MCCC1: variants seen among roughly 807,000 people sequenced by gnomAD.
The protein encoded by MCCC1 is methylcrotonyl-CoA carboxylase subunit 1.
Under a neutral mutation model 83.8 loss-of-function variants are expected in MCCC1, and 64 were observed. That is an observed-to-expected ratio of 0.76 (90% confidence interval 0.62 to 0.94). MCCC1 has a LOEUF of 0.94. Ranked by LOEUF, MCCC1 falls within the 40% of genes least tolerant of loss-of-function variation. The pLI, the probability that MCCC1 is intolerant of heterozygous loss-of-function variation, is 0.00. For missense variants in MCCC1, 807 were observed against 904.7 expected, an observed-to-expected ratio of 0.89 and a Z score of 1.39; for synonymous variants, 322 against 315.4, an observed-to-expected ratio of 1.02 and a Z score of -0.22.
chr3:183,088,194 G>A (rs1407095957), intron 3 of MCCC1, among the ~76,000 whole-genome samples: 2 of 149,610 alleles, frequency 1.3e-5, no homozygotes, highest in Non-Finnish European at 3.0e-5. Flanking sequence ...TTTTGTTGTT[G>A]TTGTTGTTGT....
chr3:183,033,718 T>G (rs1713275797), intron 14 of MCCC1, among the ~76,000 whole-genome samples: 1 of 152,230 alleles, frequency 6.6e-6, no homozygotes, highest in Non-Finnish European at 1.5e-5. Flanking sequence ...TCTGGCATAT[T>G]TCATTTCAGC....
chr3:183,075,435 T>C (rs1001248808), intron 4 of MCCC1, among the ~76,000 whole-genome samples: 2 of 152,198 alleles, frequency 1.3e-5, no homozygotes, highest in African/African-American at 2.4e-5. Flanking sequence ...TGTCTCATTG[T>C]GGTTTTGATT....
chr3:183,079,546 T>C (rs946855389), intron 4 of MCCC1, among the ~76,000 whole-genome samples: 2 of 152,228 alleles, frequency 1.3e-5, no homozygotes, highest in African/African-American at 2.4e-5. Flanking sequence ...TTGCAGGGTA[T>C]AGCCCCTCTC....
intron 9 of MCCC1, among the ~76,000 whole-genome samples, chr3:183,050,871 T>C (rs1046200076): frequency 7.9e-5 from 12 of 151,896 alleles, no homozygotes; most frequent in Admixed American, 3.9e-4. Flanking sequence ...AAAAAATGGG[T>C]GAAAGACCTG....
chr3:183,041,367 C>T (rs1342697838), intron 11 of MCCC1, among the ~76,000 whole-genome samples, 200 bp downstream of exon 11: 2 of 152,178 alleles, frequency 1.3e-5, no homozygotes, highest in South Asian at 2.1e-4. Context: ...AAAAGGAGTC[C>T]GTTGTTGAAA....
At chr3:183,028,334 T>C (rs1055529204) in intron 14 of MCCC1, among the ~76,000 whole-genome samples, 10 of 152,198 alleles carry the variant, frequency 6.6e-5, no homozygotes, top group African/African-American at 1.2e-4. Flanking sequence ...ACAATGCACA[T>C]AGTCACCACC....
intron 9 of MCCC1, among the ~76,000 whole-genome samples, chr3:183,050,678 C>G (rs1714900235): frequency 6.9e-6 from 1 of 144,560 alleles, no homozygotes; most frequent in Admixed American, 7.0e-5. Context: ...TGCATTCCAG[C>G]CTGGGAGACA....
intron 10 of MCCC1, among the ~76,000 whole-genome samples, chr3:183,043,575 C>T (rs1037478320): frequency 3.3e-5 from 5 of 152,204 alleles, no homozygotes; most frequent in African/African-American, 7.2e-5. Context: ...GGCAGGTCCT[C>T]GAGCTTAGAC....
chr3:183,046,402 A>ATT (rs10663232), intron 9 of MCCC1, among the ~76,000 whole-genome samples: 130,622 of 148,970 alleles, frequency 0.88, 57,598 homozygotes, highest in East Asian at 0.95. Flanking sequence ...TTTAAAATCA[A>ATT]TTTTTTTTTT....
chr3:183,099,582 G>A (rs905179172), upstream of MCCC1: 1 of 933,416 alleles, frequency 1.1e-6, no homozygotes, highest in Non-Finnish European at 1.6e-6. Flanking sequence ...GCTGATCCAA[G>A]AATGTGAGGG....
chr3:183,086,558 G>A, intron 4 of MCCC1, 135 bp downstream of exon 4: 1 of 798,290 alleles, frequency 1.3e-6, no homozygotes, highest in African/African-American at 1.7e-5. Context: ...GACATGCCTA[G>A]TTTACAATGA....
intron 1 of MCCC1, chr3:183,099,131 G>T: frequency 1.6e-6 from 1 of 606,944 alleles, no homozygotes; most frequent in Non-Finnish European, 2.9e-6. Flanking sequence ...AAGGCGCGCT[G>T]AAGCGTGGAT....
intron 13 of MCCC1, 78 bp from the exon 14 acceptor site, chr3:183,034,155 A>C: frequency 9.4e-7 from 1 of 1,062,862 alleles, no homozygotes; most frequent in Non-Finnish European, 1.4e-6. Context: ...AAGAAAACAT[A>C]AAATGCAAGT....
intron 13 of MCCC1, among the ~76,000 whole-genome samples, chr3:183,035,070 C>T (rs1390225544): frequency 8.5e-5 from 13 of 152,130 alleles, no homozygotes; most frequent in Admixed American, 4.6e-4. Flanking sequence ...TGAGCCACCG[C>T]GCCTGGCCCC....
At chr3:183,102,777 TTTTTTTTTTTTTTTTTTTTTTTTTTTTG>T (rs1719337273), upstream of MCCC1, among the ~76,000 whole-genome samples, 4 of 99,850 alleles carry the variant, frequency 4.0e-5, no homozygotes, top group Admixed American at 3.2e-4. Flanking sequence ...TTTTTTTTTT[TTTTTTTTTTTTTTTTTTTTTTTTTTTTG>T]AGACGAAGTC....
chr3:183,099,693 T>TC, upstream of MCCC1: 1 of 588,382 alleles, frequency 1.7e-6, no homozygotes, highest in South Asian at 2.0e-5. Context: ...TGTTTCTGCG[T>TC]CCCCTGGGGC....
chr3:183,098,421 C>T (rs1048852884), intron 1 of MCCC1: 25 of 152,314 alleles, frequency 1.6e-4, no homozygotes, highest in Admixed American at 1.4e-3. Context: ...ATTTAGTTTT[C>T]ACAACCCAAG....
At chr3:183,042,536 G>A (rs1714175584) in intron 10 of MCCC1, among the ~76,000 whole-genome samples, 1 of 152,146 alleles carries the variant, frequency 6.6e-6, no homozygotes, top group African/African-American at 2.4e-5. Flanking sequence ...AAGTAACTTA[G>A]CATGACATTG....
chr3:183,102,344 CAG>C (rs1327662264), upstream of MCCC1, among the ~76,000 whole-genome samples: 5 of 152,000 alleles, frequency 3.3e-5, no homozygotes, highest in African/African-American at 1.2e-4. Flanking sequence ...GCCTGGGTAA[CAG>C]AGTGAGAGAA....
Sources: gnomAD v4.1 joint callset for allele counts (sites outside exome capture counted in the v4.1 genomes callset) on GRCh38, gnomAD v4.1.1 for gene constraint, MANE v1.5 for transcripts, NCBI Gene and HGNC (gene_info 2026-07-23, HGNC 2026-07-21) for gene names.